Variants in AOAH observed in about 807,000 individuals in gnomAD.
AOAH encodes acyloxyacyl hydrolase.
Under a neutral mutation model 92.2 loss-of-function variants are expected in AOAH, and 64 were observed. The ratio of observed to expected loss-of-function variants is 0.69; its 90% CI spans 0.57 to 0.86. AOAH has a LOEUF of 0.86. Ranked by LOEUF, AOAH falls within the 40% of genes least tolerant of loss-of-function variation. AOAH has a pLI of 0.00. For missense variants in AOAH, 656 were observed against 694.6 expected, an observed-to-expected ratio of 0.94 and a Z score of 0.62; for synonymous variants, 263 against 254.5, an observed-to-expected ratio of 1.03 and a Z score of -0.32.
chr7:36,535,804 A>G (rs556713404), intron 16 of AOAH, among the ~76,000 whole-genome samples: 187 of 152,322 alleles, frequency 1.2e-3, no homozygotes, highest in Admixed American at 3.4e-3. Context: ...TAGGAATCTC[A>G]GAGATATTTC....
chr7:36,690,918 G>C (rs765109068), intron 1 of AOAH, among the ~76,000 whole-genome samples: 1 of 152,120 alleles, frequency 6.6e-6, no homozygotes, highest in Non-Finnish European at 1.5e-5. Context: ...TGTGAAACAG[G>C]CTCTTGAAAC....
intron 16 of AOAH, among the ~76,000 whole-genome samples, chr7:36,539,670 C>T (rs1314280432): frequency 6.6e-6 from 1 of 152,210 alleles, no homozygotes; most frequent in Non-Finnish European, 1.5e-5. Context: ...ATTTGGCAAG[C>T]TATCTAACCT....
intron 4 of AOAH, among the ~76,000 whole-genome samples, chr7:36,656,876 T>G (rs1794923181): frequency 1.1e-5 from 1 of 91,782 alleles, no homozygotes; most frequent in African/African-American, 4.2e-5. Context: ...ACAAAGAGGT[T>G]TGGTGGGGGG....
chr7:36,544,490 C>T (rs1044326238), intron 15 of AOAH, among the ~76,000 whole-genome samples: 4 of 152,092 alleles, frequency 2.6e-5, no homozygotes, highest in African/African-American at 4.8e-5. Flanking sequence ...GTCCCAGCAC[C>T]CCTTCTCACA....
intron 16 of AOAH, among the ~76,000 whole-genome samples, chr7:36,539,996 G>A (rs1386880261): frequency 1.3e-5 from 2 of 152,126 alleles, no homozygotes; most frequent in East Asian, 3.8e-4. Flanking sequence ...TTTGACTCAC[G>A]GGTCTGTCTC....
intron 4 of AOAH, among the ~76,000 whole-genome samples, chr7:36,641,609 T>C (rs1793925474): frequency 6.6e-6 from 1 of 152,236 alleles, no homozygotes; most frequent in Non-Finnish European, 1.5e-5. Context: ...TGCTTCCTCC[T>C]GAAGCCTTCT....
At chr7:36,643,368 T>G (rs971923014) in intron 4 of AOAH, among the ~76,000 whole-genome samples, 1 of 152,082 alleles carries the variant, frequency 6.6e-6, no homozygotes, top group Non-Finnish European at 1.5e-5. Context: ...AAAATATGAT[T>G]GATGAGGTTT....
chr7:36,563,022 C>CTG (rs1368595093), intron 13 of AOAH, among the ~76,000 whole-genome samples: 1 of 151,736 alleles, frequency 6.6e-6, no homozygotes, highest in East Asian at 1.9e-4. Context: ...TGGCAGGCGC[C>CTG]TGTAATCCCA....
intron 13 of AOAH, among the ~76,000 whole-genome samples, chr7:36,563,600 T>C (rs1787449251): frequency 6.6e-6 from 1 of 152,218 alleles, no homozygotes. Context: ...CCATTGTACT[T>C]GAAACCAGAA....
Position 36,532,313 on chromosome 7 carries a change from C to T in AOAH, c.1338G>A (p.Gln446=), listed in dbSNP as rs1450918848. ...GQLNKDMTYA[Q]LYSFLNCLQV... ...GGAGGCAGTTCAGGAAGGAGTACAACTGCGCATAGGTCATGTCTTTATTTA... is the reference window on the plus strand; with the variant it reads ...GGAGGCAGTTCAGGAAGGAGTACAATTGCGCATAGGTCATGTCTTTATTTA... Residue 446 remains glutamine (Q), a synonymous_variant, in exon 17 of 21, where the codon CAG becomes CAA. Coordinates refer to ENST00000617537, the MANE Select transcript of AOAH (RefSeq NM_001637.4). 2 of 1,614,014 alleles carry T rather than the reference C, an allele frequency of 1.2e-6. No individual in the cohort carries two copies. The highest frequency in any genetic ancestry group is 1.3e-5 in the African/African-American group (1 of 74,922).
intron 11 of AOAH, among the ~76,000 whole-genome samples, chr7:36,601,046 C>A (rs1790535892): frequency 6.6e-6 from 1 of 152,118 alleles, no homozygotes; most frequent in Admixed American, 6.5e-5. Flanking sequence ...AGGGGAAAGG[C>A]CCCCGGGAGA....
At chr7:36,622,265 A>T (rs1792337915) in intron 7 of AOAH, among the ~76,000 whole-genome samples, 1 of 152,186 alleles carries the variant, frequency 6.6e-6, no homozygotes, top group African/African-American at 2.4e-5. Context: ...ACTTCCCAAA[A>T]ACCCTCTACT....
intron 6 of AOAH, among the ~76,000 whole-genome samples, chr7:36,627,695 T>C (rs888320929): frequency 2.0e-5 from 3 of 152,134 alleles, no homozygotes; most frequent in African/African-American, 7.2e-5. Flanking sequence ...TCCCAATCCA[T>C]GGCCCCTCTT....
chr7:36,514,374 A>T, intron 20 of AOAH: 1 of 918,324 alleles, frequency 1.1e-6, no homozygotes, highest in Non-Finnish European at 1.6e-6. Context: ...GGATCCTGGC[A>T]GGCTGTGAGG....
chr7:36,555,782 T>C (rs1333131956), intron 13 of AOAH, among the ~76,000 whole-genome samples: 1 of 152,250 alleles, frequency 6.6e-6, no homozygotes, highest in Non-Finnish European at 1.5e-5. Context: ...TAGAGGTGTT[T>C]GTAGTAATCT....
chr7:36,582,949 A>G (rs1789038934), intron 12 of AOAH, among the ~76,000 whole-genome samples: 1 of 152,046 alleles, frequency 6.6e-6, no homozygotes, highest in Non-Finnish European at 1.5e-5. Flanking sequence ...GGTTCAAGCA[A>G]TTCTCCTGTC....
rs1400584372 is a variant in AOAH at position 36,530,508 on chromosome 7, C to T, written c.1432G>A (p.Glu478Lys). 2.5e-6 allele frequency: 4 copies of T among 1,610,020 alleles called. No individual in the cohort carries two copies. Among genetic ancestry groups the T allele is most frequent in the Non-Finnish European group, 1.7e-6 (2 of 1,176,478 alleles). The change falls in exon 19 of 21, where the codon GAG becomes AAG. Residue 478 changes from glutamate (E) to lysine (K), a missense_variant. Coordinates refer to ENST00000617537, the MANE Select transcript of AOAH (RefSeq NM_001637.4). ...TTTTTCAGTGTGTTGGAGAGTTGCTCTGCTCTCTGAAGAGAGAGGAAACAG... is the reference window on the plus strand; with the variant it reads ...TTTTTCAGTGTGTTGGAGAGTTGCTTTGCTCTCTGAAGAGAGAGGAAACAG... Reference protein sequence around the residue: ...TLRTLTSERAEQLSNTLKKIA... With the variant: ...TLRTLTSERAKQLSNTLKKIA...
chr7:36,556,850 C>T (rs1277004826), intron 13 of AOAH, among the ~76,000 whole-genome samples: 13 of 149,564 alleles, frequency 8.7e-5, no homozygotes, highest in African/African-American at 3.2e-4. Flanking sequence ...GATCTTCCTC[C>T]ATCCTTTTAT....
chr7:36,519,660 C>T (rs770393594), intron 20 of AOAH, among the ~76,000 whole-genome samples: 2 of 152,206 alleles, frequency 1.3e-5, no homozygotes, highest in African/African-American at 4.8e-5. Flanking sequence ...GAACTCCCGA[C>T]CTCAGGTGAT....
Sources: gnomAD v4.1 joint callset for allele counts (sites outside exome capture counted in the v4.1 genomes callset) on GRCh38, gnomAD v4.1.1 for gene constraint, MANE v1.5 for transcripts, NCBI Gene and HGNC (gene_info 2026-07-23, HGNC 2026-07-21) for gene names.